The following KCNC2 variants were observed in gnomAD, a reference collection of about 807,000 sequenced individuals.
KCNC2 encodes the protein potassium voltage-gated channel subfamily C member 2, also known as voltage-gated potassium channel KCNC2.
KCNC2 carries 21 observed loss-of-function variants against 44.5 expected under a neutral mutation model. The ratio of observed to expected loss-of-function variants is 0.47; its 90% CI spans 0.33 to 0.68. The LOEUF (loss-of-function observed/expected upper bound fraction) is 0.68. KCNC2 is among the 30% of genes least tolerant of loss of function. The pLI, the probability that KCNC2 is intolerant of heterozygous loss-of-function variation, is 0.01. For synonymous variants in KCNC2, 391 were observed against 339.1 expected (o/e 1.15, Z -1.68); for missense variants, 589 against 826.2 (o/e 0.71, Z 3.52).
rs532289736 is a variant in KCNC2 at position 75,077,053 on chromosome 12, A to C, written c.688-25736T>G. On this transcript the variant is annotated intron_variant, in intron 2 of 4. Coordinates refer to ENST00000549446, the MANE Select transcript of KCNC2 (RefSeq NM_139137.4). Reference sequence around the variant, plus strand: ...TGTTATGGGATTCATACAGCTAATCAATGGTTACTACAGTAAAGCAGATTA... The same window carrying C: ...TGTTATGGGATTCATACAGCTAATCCATGGTTACTACAGTAAAGCAGATTA... 8.8e-4 allele frequency among the ~76,000 whole-genome samples: 134 copies of C among 152,352 alleles called. 1 individual carries two copies. Among genetic ancestry groups the C allele is most frequent in the Non-Finnish European group, 1.4e-3 (98 of 68,024 alleles).
intron 2 of KCNC2, among the ~76,000 whole-genome samples, chr12:75,148,267 A>C (rs1246339943): frequency 6.6e-6 from 1 of 152,090 alleles, no homozygotes; most frequent in Non-Finnish European, 1.5e-5. Context: ...CCTTTACATG[A>C]CTAGTAAAAG....
rs563264037 is a variant in KCNC2 at position 75,042,093 on chromosome 12, T to A, written c.*1012A>T. The A allele has an allele frequency of 1.4e-5, 17 of 1,236,232 alleles. No individual in the cohort carries two copies. In the Admixed American group the frequency reaches 4.8e-4, roughly 35 times the overall value. 76.6% of individuals were successfully genotyped at this position (1,236,232 alleles called of 1,614,324 possible). A position where few individuals can be genotyped will look rare whatever the true frequency, so the allele number is the denominator to read the frequency against. On this transcript the variant is annotated 3_prime_UTR_variant, in exon 5 of 5. Transcript: ENST00000549446. ...TTCTGTGAACACCAGTGACATTTGA[T>A]GTTTGCACAAAAAATTAATAAATAA...
chr12:75,122,039 C>T (rs1888082994), intron 2 of KCNC2, among the ~76,000 whole-genome samples: 1 of 152,072 alleles, frequency 6.6e-6, no homozygotes, highest in South Asian at 2.1e-4. Flanking sequence ...CATACAGTGA[C>T]CTAGCCAAAG....
chr12:75,195,359 G>T (rs1432788059), intron 2 of KCNC2, among the ~76,000 whole-genome samples: 1 of 151,744 alleles, frequency 6.6e-6, no homozygotes, highest in Non-Finnish European at 1.5e-5. Flanking sequence ...AAATATAAAA[G>T]AAAAAAATCA....
intron 2 of KCNC2, among the ~76,000 whole-genome samples, chr12:75,051,785 T>C (rs998983232): frequency 6.6e-6 from 1 of 152,098 alleles, no homozygotes; most frequent in Non-Finnish European, 1.5e-5. Flanking sequence ...TAACTGTAGA[T>C]TTGTATTCAT....
intron 2 of KCNC2, among the ~76,000 whole-genome samples, chr12:75,085,990 A>C (rs1280975286): frequency 6.6e-6 from 1 of 152,020 alleles, no homozygotes; most frequent in African/African-American, 2.4e-5. Flanking sequence ...GCTGAAGGTG[A>C]AAGTCGGACC....
chr12:75,199,345 A>C (rs61932905), intron 2 of KCNC2, among the ~76,000 whole-genome samples: 151,921 of 151,922 alleles, frequency 1, 75,960 homozygotes, highest in Non-Finnish European at 1. Context: ...TGGACACATA[A>C]AACAATGAGG....
chr12:75,127,399 T>A (rs1389321740), intron 2 of KCNC2, among the ~76,000 whole-genome samples: 4 of 152,150 alleles, frequency 2.6e-5, no homozygotes, highest in Non-Finnish European at 5.9e-5. Flanking sequence ...GCAGTCTCAA[T>A]AGTCTGTATT....
At chr12:75,180,522 G>A (rs1892505230) in intron 2 of KCNC2, among the ~76,000 whole-genome samples, 1 of 151,532 alleles carries the variant, frequency 6.6e-6, no homozygotes, top group South Asian at 2.1e-4. Context: ...TATTCCTTAT[G>A]ATGTATATTG....
In KCNC2 at chr12:75,207,159, C is replaced by G. The variant is rs902031679; in HGVS notation, c.687+138G>C. 8.4e-6 allele frequency: 12 copies of G among 1,423,894 alleles called. No individual in the cohort carries two copies. Among genetic ancestry groups the G allele is most frequent in the Non-Finnish European group, 1.1e-5 (12 of 1,083,472 alleles). 88.2% of individuals were successfully genotyped at this position (1,423,894 alleles called of 1,614,324 possible). ...CTGGGTTTACCCTGCAAAGGATGAG[C>G]CTCTAACTGTATCGCTAGGAAATCC... On this transcript the variant is annotated intron_variant, in intron 2 of 4. Transcript: ENST00000549446. This position sits in a 1 kb window ranked among gnomAD's most constrained non-coding sequence, Gnocchi z 4.1.
At chr12:75,170,006 T>C (rs537946203) in intron 2 of KCNC2, among the ~76,000 whole-genome samples, 1 of 151,874 alleles carries the variant, frequency 6.6e-6, no homozygotes, top group Non-Finnish European at 1.5e-5. Context: ...AAATTGCTTA[T>C]TTTAATCTTT....
chr12:75,070,306 C>A (rs916266883), intron 2 of KCNC2, among the ~76,000 whole-genome samples: 1 of 151,182 alleles, frequency 6.6e-6, no homozygotes, highest in South Asian at 2.1e-4. Context: ...AAAAAATTAG[C>A]CAGTCATGGT....
At chr12:75,114,856 CTTTTTTTTTT>C (rs754820554) in intron 2 of KCNC2, among the ~76,000 whole-genome samples, 2 of 86,542 alleles carry the variant, frequency 2.3e-5, no homozygotes, top group African/African-American at 1.1e-4. Flanking sequence ...TCAACTTCTA[CTTTTTTTTTT>C]TTTTTTTTTT....
Position 75,042,703 on chromosome 12 carries a change from A to G in KCNC2, c.*402T>C. 1 of 1,179,148 alleles carries G rather than the reference A, an allele frequency of 8.5e-7. No homozygotes were observed. Among genetic ancestry groups the G allele is most frequent in the Non-Finnish European group, 1.1e-6 (1 of 951,444 alleles). The allele number at this position is 1,179,148 out of a possible 1,614,324, so 73.0% of individuals were successfully genotyped here. A position where few individuals can be genotyped will look rare whatever the true frequency, so the allele number is the denominator to read the frequency against. The stretch of plus-strand genomic sequence containing the variant: ...AAGTCATGTCGTGTGCAATCAAGAT[A>G]GGATCCCAGACATCTTCAGAATGGT... On this transcript the variant is annotated 3_prime_UTR_variant, in exon 5 of 5. Transcript: ENST00000549446.
At chr12:75,166,965 T>C (rs1394212848) in intron 2 of KCNC2, among the ~76,000 whole-genome samples, 1 of 150,942 alleles carries the variant, frequency 6.6e-6, no homozygotes, top group African/African-American at 2.4e-5. Flanking sequence ...AAATAAAGAA[T>C]TCTAAAAAAG....
At chr12:75,172,604 T>G (rs528790403) in intron 2 of KCNC2, among the ~76,000 whole-genome samples, 3 of 152,022 alleles carry the variant, frequency 2.0e-5, no homozygotes, top group African/African-American at 4.8e-5. Flanking sequence ...AAGCTACTGA[T>G]AAGTCAATTC....
At chr12:75,085,236 A>T (rs575059655) in intron 2 of KCNC2, among the ~76,000 whole-genome samples, 22 of 152,144 alleles carry the variant, frequency 1.4e-4, no homozygotes, top group Admixed American at 7.9e-4. Flanking sequence ...TATTATTACC[A>T]GTAACCTCTT....
intron 2 of KCNC2, among the ~76,000 whole-genome samples, chr12:75,069,757 C>T (rs1448503925): frequency 6.6e-6 from 1 of 152,174 alleles, no homozygotes; most frequent in Admixed American, 6.5e-5. Flanking sequence ...AGCATACAAA[C>T]TTTGGGGATA....
At chr12:75,146,202 C>T (rs1267752467) in intron 2 of KCNC2, among the ~76,000 whole-genome samples, 1 of 152,140 alleles carries the variant, frequency 6.6e-6, no homozygotes, top group Non-Finnish European at 1.5e-5. Context: ...GATCCACCTG[C>T]CTTGGCCTCC....
Sources: allele counts gnomAD v4.1 joint callset (sites outside exome capture counted in the v4.1 genomes callset), GRCh38; gene constraint gnomAD v4.1.1; non-coding constraint Gnocchi (gnomAD v3.1); transcripts MANE v1.5; gene names NCBI Gene and HGNC (gene_info 2026-07-23, HGNC 2026-07-21).